The following PHF2 variants were observed in gnomAD, a reference collection of about 807,000 sequenced individuals.
PHF2 encodes the protein lysine-specific demethylase PHF2.
A neutral mutation model predicts 120.5 loss-of-function variants in PHF2; 27 were observed. The ratio of observed to expected loss-of-function variants is 0.22; its 90% CI spans 0.17 to 0.31. The LOEUF is 0.31. Among genes scored for constraint, PHF2 ranks in the 10% least tolerant of loss-of-function variants. The pLI is 1.00. For synonymous variants in PHF2, 568 were observed against 592.5 expected (o/e 0.96, Z 0.60); for missense variants, 1,024 against 1,434.8 (o/e 0.71, Z 4.63).
Position 93,663,604 on chromosome 9 carries a change from T to C in PHF2, c.1906T>C (p.Ser636Pro), listed in dbSNP as rs1319927026. ...PLAGNKDNKF[S>P]FSFSNKKLLG... ...AGCTGGAAACAAAGACAATAAGTTC[T>C]CTTTTTCTTTCTCCAACAAGAAACT... Residue 636 changes from serine to proline, a missense_variant, in exon 14 of 22, where the codon TCT becomes CCT. Ser to Pro is a moderately conservative substitution (Grantham distance 74). Coordinates refer to ENST00000359246, the MANE Select transcript of PHF2 (RefSeq NM_005392.4). 6.2e-7 allele frequency: 1 copy of C among 1,612,780 alleles called. No individual in the cohort carries two copies.
At chr9:93,583,460 T>G (rs1331546735) in intron 1 of PHF2, among the ~76,000 whole-genome samples, 1 of 152,244 alleles carries the variant, frequency 6.6e-6, no homozygotes, top group Non-Finnish European at 1.5e-5. Context: ...ATGGTAACTC[T>G]ATGTTTAACT....
chr9:93,635,451 C>A (rs1826074318), intron 2 of PHF2, among the ~76,000 whole-genome samples: 1 of 152,234 alleles, frequency 6.6e-6, no homozygotes, highest in Non-Finnish European at 1.5e-5. Flanking sequence ...CTTCACTGCT[C>A]AAGGGTCAGC....
At chr9:93,649,364 A>C in intron 5 of PHF2, 152 bp downstream of exon 5, 1 of 377,756 alleles carries the variant, frequency 2.6e-6, no homozygotes, top group Non-Finnish European at 4.4e-6. Flanking sequence ...TCTCTCTTTT[A>C]AATTTTTTCC....
At chr9:93,605,339 TC>T (rs1825521316) in intron 1 of PHF2, among the ~76,000 whole-genome samples, 2 of 152,204 alleles carry the variant, frequency 1.3e-5, no homozygotes, top group South Asian at 4.1e-4. Flanking sequence ...CACCTCAGTC[TC>T]CCAAAGTGCT....
chr9:93,639,774 TG>T (rs892964081), intron 3 of PHF2, among the ~76,000 whole-genome samples: 2 of 152,142 alleles, frequency 1.3e-5, no homozygotes, highest in African/African-American at 4.8e-5. Flanking sequence ...AACAGGCAGC[TG>T]GGGCAGAATG....
At chr9:93,600,787 G>A (rs999294666) in intron 1 of PHF2, among the ~76,000 whole-genome samples, 1 of 151,886 alleles carries the variant, frequency 6.6e-6, no homozygotes, top group Non-Finnish European at 1.5e-5. Flanking sequence ...GCTCTGCTGC[G>A]CTATGGGGAG....
intron 1 of PHF2, among the ~76,000 whole-genome samples, chr9:93,581,927 T>A (rs1205518881): frequency 6.6e-6 from 1 of 152,178 alleles, no homozygotes; most frequent in African/African-American, 2.4e-5. Flanking sequence ...TCTGGGAGAA[T>A]CTCACTTTTG....
chr9:93,605,260 C>G (rs750912582), intron 1 of PHF2, among the ~76,000 whole-genome samples: 1 of 152,094 alleles, frequency 6.6e-6, no homozygotes, highest in Non-Finnish European at 1.5e-5. Context: ...CTCTGTTGCC[C>G]TGGCTGGAGT....
intron 5 of PHF2, among the ~76,000 whole-genome samples, chr9:93,649,500 C>T (rs531375251): frequency 2.8e-4 from 42 of 150,700 alleles, no homozygotes; most frequent in African/African-American, 9.5e-4. Flanking sequence ...AAAGCCTCCT[C>T]TGGTCTTGGC....
At chr9:93,659,294 C>T (rs1400989023) in intron 10 of PHF2, among the ~76,000 whole-genome samples, 2 of 152,376 alleles carry the variant, frequency 1.3e-5, no homozygotes, top group East Asian at 3.9e-4. Flanking sequence ...TGGTGGTGGC[C>T]TCAGGCAAGC....
At chr9:93,631,894 GAA>G (rs1166361860) in intron 2 of PHF2, among the ~76,000 whole-genome samples, 1 of 152,102 alleles carries the variant, frequency 6.6e-6, no homozygotes, top group Non-Finnish European at 1.5e-5. Flanking sequence ...TGGTAGAAAA[GAA>G]AGTGTCAGAA....
intron 1 of PHF2, among the ~76,000 whole-genome samples, chr9:93,581,206 G>A (rs1288071001): frequency 6.6e-6 from 1 of 152,140 alleles, no homozygotes; most frequent in East Asian, 1.9e-4. Flanking sequence ...CTCTCATTGT[G>A]CCCACCTAGT....
chr9:93,591,495 G>A (rs1825223477), intron 1 of PHF2, among the ~76,000 whole-genome samples: 1 of 152,210 alleles, frequency 6.6e-6, no homozygotes, highest in Non-Finnish European at 1.5e-5. Context: ...CAGGGAGCAA[G>A]CCTCTTTTCA....
intron 20 of PHF2, 129 bp downstream of exon 20, chr9:93,675,918 C>CT: frequency 1.5e-6 from 1 of 652,582 alleles, no homozygotes; most frequent in Non-Finnish European, 2.7e-6. Flanking sequence ...TGGTCACAGG[C>CT]TTGGGGACAT....
At chr9:93,625,253 T>G (rs1272651972) in intron 1 of PHF2, among the ~76,000 whole-genome samples, 1 of 152,224 alleles carries the variant, frequency 6.6e-6, no homozygotes, top group Non-Finnish European at 1.5e-5. Flanking sequence ...GTGTCATGCT[T>G]CTTTCATTTA....
chr9:93,595,556 G>A (rs769431485), intron 1 of PHF2, among the ~76,000 whole-genome samples: 20 of 152,238 alleles, frequency 1.3e-4, no homozygotes, highest in Non-Finnish European at 2.5e-4. Context: ...GCCCAAAGCT[G>A]TGTCTGGAAT....
intron 12 of PHF2, among the ~76,000 whole-genome samples, chr9:93,661,873 C>A (rs543259918): frequency 2.9e-5 from 4 of 139,000 alleles, no homozygotes. Context: ...GATGGATGAG[C>A]AAATGGATGG....
intron 14 of PHF2, among the ~76,000 whole-genome samples, chr9:93,663,930 A>C (rs995521203): frequency 2.0e-5 from 3 of 152,184 alleles, no homozygotes; most frequent in African/African-American, 7.2e-5. Flanking sequence ...CATCAGGCCT[A>C]GACACCAGCA....
rs1276835139 is a variant in PHF2 at position 93,660,485 on chromosome 9, C to T, written c.1623C>T (p.Thr541=). 6.2e-7 allele frequency: 1 copy of T among 1,606,360 alleles called. No homozygotes were observed. Among genetic ancestry groups the T allele is most frequent in the African/African-American group, 1.3e-5 (1 of 74,616 alleles). The change falls in exon 12 of 22, where the codon ACC becomes ACT. Residue 541 remains threonine, a synonymous_variant. Coordinates refer to ENST00000359246, the MANE Select transcript of PHF2 (RefSeq NM_005392.4). ...GKKSRESASP[T]IPNLDLLEAH... is the part of the protein sequence containing the mutation. ...AGTCCCGGGAGTCAGCCTCACCCAC[C>T]ATCCCCAACCTGGACCTGCTCGAAG...
Sources: allele counts gnomAD v4.1 joint callset (sites outside exome capture counted in the v4.1 genomes callset), GRCh38; gene constraint gnomAD v4.1.1; transcripts MANE v1.5; gene names NCBI Gene and HGNC (gene_info 2026-07-23, HGNC 2026-07-21).